Variants in CFDP1 observed in about 807,000 individuals in gnomAD.
CFDP1 encodes the protein heterochromatin-stabilizing protein CFDP1.
Under a neutral mutation model 40.1 loss-of-function variants are expected in CFDP1, and 31 were observed. That is an observed-to-expected ratio of 0.77 (90% CI 0.58 to 1.04). The LOEUF is 1.04. Ranked by LOEUF, CFDP1 falls within the 50% of genes least tolerant of loss-of-function variation. CFDP1 has a pLI of 0.00. For missense variants in CFDP1, 423 were observed against 343.4 expected, an observed-to-expected ratio of 1.23 and a Z score of -1.83; for synonymous variants, 167 against 120.0, an observed-to-expected ratio of 1.39 and a Z score of -2.56.
intron 1 of CFDP1, among the ~76,000 whole-genome samples, chr16:75,423,189 G>A (rs549060248): frequency 1.3e-5 from 2 of 150,662 alleles, no homozygotes; most frequent in East Asian, 4.1e-4. Flanking sequence ...GCTGAGGCAG[G>A]AGAATGGCGT....
chr16:75,296,347 C>T (rs1028054511), intron 6 of CFDP1, among the ~76,000 whole-genome samples: 1 of 152,266 alleles, frequency 6.6e-6, no homozygotes, highest in East Asian at 1.9e-4. Context: ...AAACAATCCT[C>T]CTGCTTCAGC....
intron 4 of CFDP1, 130 bp from the exon 5 acceptor site, chr16:75,395,339 G>C: frequency 2.0e-6 from 2 of 978,296 alleles, no homozygotes; most frequent in Non-Finnish European, 2.9e-6. Flanking sequence ...TCAGCATTAT[G>C]ATAAAAGTTT....
intron 5 of CFDP1, among the ~76,000 whole-genome samples, chr16:75,369,673 G>C (rs1490883292): frequency 6.6e-6 from 1 of 152,182 alleles, no homozygotes; most frequent in Non-Finnish European, 1.5e-5. Flanking sequence ...CTAGTGCTCA[G>C]AGTCTCAACA....
At chr16:75,322,101 G>A (rs994340645) in intron 5 of CFDP1, among the ~76,000 whole-genome samples, 2 of 152,360 alleles carry the variant, frequency 1.3e-5, no homozygotes, top group African/African-American at 4.8e-5. Context: ...TGGGGTTACA[G>A]GCGTGAGCCA....
At chr16:75,353,260 T>C (rs964620925) in intron 5 of CFDP1, among the ~76,000 whole-genome samples, 2 of 152,214 alleles carry the variant, frequency 1.3e-5, no homozygotes, top group Non-Finnish European at 2.9e-5. Context: ...TGACTGGGTA[T>C]TTGGTAATAT....
chr16:75,397,622 G>A (rs1166271195), intron 4 of CFDP1, among the ~76,000 whole-genome samples: 1 of 152,026 alleles, frequency 6.6e-6, no homozygotes, highest in Non-Finnish European at 1.5e-5. Flanking sequence ...CCAACATGGT[G>A]AAACCCTGTC....
At chr16:75,373,622 G>A (rs529257475) in intron 5 of CFDP1, among the ~76,000 whole-genome samples, 8 of 152,176 alleles carry the variant, frequency 5.3e-5, no homozygotes, top group African/African-American at 1.9e-4. Flanking sequence ...TGTATTCAAA[G>A]GGTTTGCTTC....
At chr16:75,301,649 C>G (rs2078223002) in intron 6 of CFDP1, 1 of 140,548 alleles carries the variant, frequency 7.1e-6, no homozygotes, top group East Asian at 2.2e-4. Context: ...CTGTACCTGT[C>G]TTATGCCTCT....
At chr16:75,420,116 A>G (rs1167016194) in intron 1 of CFDP1, among the ~76,000 whole-genome samples, 2 of 150,686 alleles carry the variant, frequency 1.3e-5, no homozygotes, top group East Asian at 3.9e-4. Flanking sequence ...CATCTCAAAA[A>G]AAAAAAAAAA....
chr16:75,349,680 A>ATATATATATATATATATATATATATAT (rs59380218), intron 5 of CFDP1, among the ~76,000 whole-genome samples: 1 of 6,672 alleles, frequency 1.5e-4, no homozygotes, highest in Non-Finnish European at 3.1e-4. Flanking sequence ...AAAAAAAAAA[A>ATATATATATATATATATATATATATAT]AAAAAAAAAA....
intron 5 of CFDP1, among the ~76,000 whole-genome samples, chr16:75,339,123 A>G (rs188246609): frequency 6.6e-6 from 1 of 152,034 alleles, no homozygotes; most frequent in East Asian, 1.9e-4. Flanking sequence ...TAGAACTCCT[A>G]CTAGATGAAC....
At chr16:75,355,112 C>G in intron 5 of CFDP1, among the ~76,000 whole-genome samples, 1 of 152,186 alleles carries the variant, frequency 6.6e-6, no homozygotes, top group Non-Finnish European at 1.5e-5. Flanking sequence ...TAAAATATTG[C>G]TAAAAATGCT....
At chr16:75,428,846 G>C (rs1318345641) in intron 1 of CFDP1, among the ~76,000 whole-genome samples, 2 of 152,156 alleles carry the variant, frequency 1.3e-5, no homozygotes, top group African/African-American at 4.8e-5. Context: ...GCCAGGCGTA[G>C]AGGCTCACGC....
At chr16:75,312,982 G>A (rs977311783) in intron 5 of CFDP1, among the ~76,000 whole-genome samples, 2 of 152,200 alleles carry the variant, frequency 1.3e-5, no homozygotes, top group African/African-American at 4.8e-5. Context: ...TCTGGGACAA[G>A]CTAACTGACC....
At chr16:75,344,599 C>T (rs543373007) in intron 5 of CFDP1, among the ~76,000 whole-genome samples, 1 of 152,252 alleles carries the variant, frequency 6.6e-6, no homozygotes, top group African/African-American at 2.4e-5. Flanking sequence ...CAGAAAGGGA[C>T]TAATAACCCT....
At chr16:75,398,492 T>C (rs4888407) in intron 4 of CFDP1, among the ~76,000 whole-genome samples, 77,678 of 151,960 alleles carry the variant, frequency 0.51, 20,908 homozygotes, top group Admixed American at 0.64. Flanking sequence ...CAACATGACT[T>C]CCACAGGCTA....
chr16:75,359,342 C>T (rs2078666823), intron 5 of CFDP1, among the ~76,000 whole-genome samples: 1 of 152,102 alleles, frequency 6.6e-6, no homozygotes, highest in Non-Finnish European at 1.5e-5. Flanking sequence ...AACATGCACA[C>T]GAGCCTCTTT....
At chr16:75,297,256 G>C (rs760586787) in intron 6 of CFDP1, among the ~76,000 whole-genome samples, 1 of 151,392 alleles carries the variant, frequency 6.6e-6, no homozygotes, top group Admixed American at 6.6e-5. Context: ...CTGGCCTCAA[G>C]TAATCTGCCC....
At chr16:75,335,166 G>A (rs2078477569) in intron 5 of CFDP1, among the ~76,000 whole-genome samples, 1 of 152,150 alleles carries the variant, frequency 6.6e-6, no homozygotes, top group African/African-American at 2.4e-5. Flanking sequence ...GCTCATAAAT[G>A]TGGTAAGTTC....
Sources: allele counts gnomAD v4.1 joint callset (sites outside exome capture counted in the v4.1 genomes callset), GRCh38; gene constraint gnomAD v4.1.1; transcripts MANE v1.5; gene names NCBI Gene and HGNC (gene_info 2026-07-23, HGNC 2026-07-21).